The following UBE2N variants were observed in gnomAD, a reference collection of about 807,000 sequenced individuals.
The protein encoded by UBE2N is ubiquitin conjugating enzyme E2 N.
For missense variants in UBE2N, 60 were observed against 192.1 expected, an observed-to-expected ratio of 0.31 and a Z score of 4.07; for synonymous variants, 70 against 69.2, an observed-to-expected ratio of 1.01 and a Z score of -0.06.
rs145533931 is a variant in UBE2N at position 93,416,938 on chromosome 12, T to C, written c.31-5639A>G. ...GTTTACAGAAAAACAGAATAACCCTTAAATGAATTTTGTGATTCTATTATG... is the reference window on the plus strand; with the variant it reads ...GTTTACAGAAAAACAGAATAACCCTCAAATGAATTTTGTGATTCTATTATG... On this transcript the variant is annotated intron_variant, in intron 1 of 3. Coordinates refer to ENST00000318066, the MANE Select transcript of UBE2N (RefSeq NM_003348.4). Among the ~76,000 whole-genome samples the C allele has an allele frequency of 2.7e-4, 41 of 151,618 alleles. No homozygotes were observed. The East Asian group carries it at 7.4e-3, about 27-fold the overall frequency.
chr12:93,409,843 C>T lies in UBE2N; in HGVS notation c.*196G>A. On this transcript the variant is annotated 3_prime_UTR_variant, in exon 4 of 4. Transcript: ENST00000318066. ...CAACAATCCAGATGATACTTCTAGC[C>T]TCTGCTCATGCTTTATGACAGTGAA... 1 of 608,020 alleles carries T rather than the reference C, an allele frequency of 1.6e-6. No individual in the cohort carries two copies. The highest frequency in any genetic ancestry group is 2.0e-5 in the South Asian group (1 of 50,498). The allele number at this position is 608,020 out of a possible 1,614,324, so 37.7% of individuals were successfully genotyped here. A position where few individuals can be genotyped will look rare whatever the true frequency, so the allele number is the denominator to read the frequency against.
chr12:93,440,858 ATACT>A (rs1879079262), intron 1 of UBE2N, among the ~76,000 whole-genome samples: 1 of 152,232 alleles, frequency 6.6e-6, no homozygotes, highest in Non-Finnish European at 1.5e-5. Context: ...GGTTCCATAC[ATACT>A]TGTCAAAACA....
Position 93,406,276 on chromosome 12 carries a change from A to G in UBE2N, c.*3763T>C, listed in dbSNP as rs1905251. ...GAGCTAGAAAGTGGCTAGAGCAGCC[A>G]AAAAAAAAAAAAAAAAAAAAAAAAA... On this transcript the variant is annotated 3_prime_UTR_variant, in exon 4 of 4. Coordinates refer to ENST00000318066, the MANE Select transcript of UBE2N (RefSeq NM_003348.4). 2 of 30,322 alleles carry G rather than the reference A, an allele frequency of 6.6e-5. No homozygotes were observed. Among genetic ancestry groups the G allele is most frequent in the East Asian group, 1.1e-3 (2 of 1,782 alleles). 1.9% of individuals were successfully genotyped at this position (30,322 alleles called of 1,614,324 possible).
chr12:93,434,246 C>T (rs1217920887), intron 1 of UBE2N, among the ~76,000 whole-genome samples: 2 of 152,160 alleles, frequency 1.3e-5, no homozygotes, highest in Admixed American at 6.5e-5. Context: ...TAGCCGAGTT[C>T]GTGCCACTGC....
chr12:93,414,448 C>CAA (rs398020640), intron 1 of UBE2N, among the ~76,000 whole-genome samples: 1,230 of 73,024 alleles, frequency 0.017, 32 homozygotes, highest in African/African-American at 0.04. Flanking sequence ...AGCTCCGTCT[C>CAA]AAAAAAAAAA....
intron 1 of UBE2N, among the ~76,000 whole-genome samples, chr12:93,422,250 C>T (rs1244519445): frequency 6.6e-6 from 1 of 152,098 alleles, no homozygotes; most frequent in African/African-American, 2.4e-5. Flanking sequence ...TCAAGCATCT[C>T]CATTTTCTAT....
In UBE2N at chr12:93,410,777, T is replaced by C. The variant is rs372123936; in HGVS notation, c.375A>G (p.Val125=). Residue 125 remains valine (V), a synonymous_variant, in exon 3 of 4, where the codon GTA becomes GTG. Transcript: ENST00000318066. The part of the protein sequence containing the change: ...PNPDDPLAND[V]AEQWKTNEAQ... ...CTTCGTTGGTCTTCCACTGCTCCGC[T>C]ACATCATTTGCTAATGGATCATCTG... The C allele has an allele frequency of 1.9e-6, 3 of 1,614,138 alleles. No homozygotes were observed. Among genetic ancestry groups the C allele is most frequent in the African/African-American group, 1.3e-5 (1 of 74,938 alleles).
chr12:93,430,323 G>C (rs559695910), intron 1 of UBE2N, among the ~76,000 whole-genome samples: 1 of 152,244 alleles, frequency 6.6e-6, no homozygotes, highest in African/African-American at 2.4e-5. Context: ...TATACTCTAT[G>C]ATGTTCACAC....
chr12:93,419,667 G>GA (rs528989116), intron 1 of UBE2N, among the ~76,000 whole-genome samples: 40 of 152,194 alleles, frequency 2.6e-4, no homozygotes, highest in Middle Eastern at 6.8e-3. Context: ...CTTTGCAAAT[G>GA]AAAAAACTGA....
At chr12:93,420,810 G>A (rs865923864) in intron 1 of UBE2N, among the ~76,000 whole-genome samples, 20 of 152,058 alleles carry the variant, frequency 1.3e-4, no homozygotes, top group Middle Eastern at 3.4e-3. Context: ...CTGTTAAGCT[G>A]AATTCCTTTA....
At chr12:93,424,973 CA>C (rs1185691917) in intron 1 of UBE2N, among the ~76,000 whole-genome samples, 1 of 152,112 alleles carries the variant, frequency 6.6e-6, no homozygotes, top group Non-Finnish European at 1.5e-5. Context: ...ATGAAACGAA[CA>C]AACCATTTTC....
In UBE2N at chr12:93,405,704, T is replaced by A. The variant is rs375458896; in HGVS notation, c.*4335A>T. 1 of 152,172 alleles carries A rather than the reference T, an allele frequency of 6.6e-6. No homozygotes were observed. Among genetic ancestry groups the A allele is most frequent in the Non-Finnish European group, 1.5e-5 (1 of 68,028 alleles). 9.4% of individuals were successfully genotyped at this position (152,172 alleles called of 1,614,324 possible). A position where few individuals can be genotyped will look rare whatever the true frequency, so the allele number is the denominator to read the frequency against. On this transcript the variant is annotated 3_prime_UTR_variant, in exon 4 of 4. Transcript: ENST00000318066. The stretch of plus-strand genomic sequence containing the variant: ...ACTAGTCCAGGTGGTAGATGACAGA[T>A]TTTTATTATTTACACTTCTCTCAAA...
rs1878020232 is a variant in UBE2N, at chr12:93,411,111, G to C, written c.219C>G (p.Thr73=). 5 of 1,614,142 alleles carry C rather than the reference G, an allele frequency of 3.1e-6. No individual in the cohort carries two copies. Among genetic ancestry groups the C allele is most frequent in the Non-Finnish European group, 4.2e-6 (5 of 1,180,024 alleles). ...TGTCTACATTAGGATGATAAATTTTGGTCATGAAACGTACTTTAGGGGCTG... is the reference window on the plus strand; with the variant it reads ...TGTCTACATTAGGATGATAAATTTTCGTCATGAAACGTACTTTAGGGGCTG... ...PMAAPKVRFM[T]KIYHPNVDKL... is the part of the protein sequence containing the mutation. The change falls in exon 2 of 4, where the codon ACC becomes ACG. Residue 73 remains threonine (T), a synonymous_variant. Coordinates refer to ENST00000318066, the MANE Select transcript of UBE2N (RefSeq NM_003348.4).
At chr12:93,441,553 G>C (rs1486426844) in intron 1 of UBE2N, among the ~76,000 whole-genome samples, 1 of 151,886 alleles carries the variant, frequency 6.6e-6, no homozygotes, top group Non-Finnish European at 1.5e-5. Context: ...CCCAAGCCCA[G>C]AGACCCCCAG....
rs1234365935 is a variant in UBE2N, at chr12:93,406,984, C to T, written c.*3055G>A. The T allele has an allele frequency of 6.6e-6, 1 of 152,214 alleles. No homozygotes were observed. The highest frequency in any genetic ancestry group is 2.4e-5 in the African/African-American group (1 of 41,446). 9.4% of individuals were successfully genotyped at this position (152,214 alleles called of 1,614,324 possible). ...AAAAAACATAAAGCTCCTATCAACA[C>T]CTCAAGATTTTAGAAAAGCCTCTTA... On this transcript the variant is annotated 3_prime_UTR_variant, in exon 4 of 4. Coordinates refer to ENST00000318066, the MANE Select transcript of UBE2N (RefSeq NM_003348.4).
intron 1 of UBE2N, among the ~76,000 whole-genome samples, chr12:93,420,288 G>A (rs1300384249): frequency 6.6e-6 from 1 of 152,046 alleles, no homozygotes. Context: ...AGATGACTTG[G>A]GCTAGAAATC....
At chr12:93,410,146 A>C (rs1227006093) in intron 3 of UBE2N, 67 bp from the exon 4 acceptor site, 19 of 1,448,686 alleles carry the variant, frequency 1.3e-5, no homozygotes, top group Non-Finnish European at 1.6e-5. Context: ...CCAAACTATA[A>C]ATGGCAAACA....
intron 1 of UBE2N, chr12:93,441,148 G>A: frequency 6.6e-6 from 1 of 152,374 alleles, no homozygotes; most frequent in South Asian, 2.1e-4. Context: ...GCCAACCAGA[G>A]TAAAATCACT....
intron 1 of UBE2N, among the ~76,000 whole-genome samples, chr12:93,413,508 C>T (rs147567443): frequency 5.3e-5 from 8 of 152,194 alleles, no homozygotes; most frequent in African/African-American, 1.9e-4. Flanking sequence ...TAACTACCTG[C>T]TTGATATACA....
Sources: allele counts gnomAD v4.1 joint callset (sites outside exome capture counted in the v4.1 genomes callset), GRCh38; gene constraint gnomAD v4.1.1; transcripts MANE v1.5; gene names NCBI Gene and HGNC (gene_info 2026-07-23, HGNC 2026-07-21).